The following ZNF638 variants were observed in gnomAD, a reference collection of about 807,000 sequenced individuals.
ZNF638 encodes zinc finger protein 638.
In ZNF638, 46 loss-of-function variants were observed where a neutral mutation model predicts 195.6. The observed-to-expected ratio is 0.24, with a 90% CI of 0.19 to 0.30. ZNF638 has a LOEUF of 0.30. ZNF638 is among the 10% of genes least tolerant of loss of function. ZNF638 has a pLI of 1.00. For missense variants in ZNF638, 2,440 were observed against 2,325.3 expected (o/e 1.05, Z -1.01); for synonymous variants, 845 against 772.0 (o/e 1.09, Z -1.57).
rs751541059 is a variant in ZNF638, at chr2:71,349,649, A to G, written c.695A>G (p.Glu232Gly). The G allele has an allele frequency of 1.2e-6, 2 of 1,614,228 alleles. No homozygotes were observed. The highest frequency in any genetic ancestry group is 1.7e-6 in the Non-Finnish European group (2 of 1,180,038). Residue 232 changes from glutamate to glycine, a missense_variant, in exon 2 of 28, where the codon GAA becomes GGA. By Grantham distance (98) the Glu-to-Gly change is moderately conservative (BLOSUM62 -2). This residue lies in a region of ZNF638 where 305 missense variants were observed against 283.6 expected (regional missense o/e 1.08). Coordinates refer to ENST00000264447, the MANE Select transcript of ZNF638 (RefSeq NM_014497.5). ...CTTGAAGTACGTATTTATGATCCTG[A>G]AATTCCAACTGATGAGGTCGAGAAT... ...DPLEVRIYDPEIPTDEVENEF... is the reference protein window; with the variant it reads ...DPLEVRIYDPGIPTDEVENEF...
At chr2:71,361,893 T>C (rs1042080236) in intron 3 of ZNF638, among the ~76,000 whole-genome samples, 1 of 152,172 alleles carries the variant, frequency 6.6e-6, no homozygotes, top group Non-Finnish European at 1.5e-5. Context: ...TCATTAACAA[T>C]GTCTGAGGCA....
At chr2:71,335,634 G>T (rs1210854483) in intron 1 of ZNF638, among the ~76,000 whole-genome samples, 1 of 152,118 alleles carries the variant, frequency 6.6e-6, no homozygotes, top group Non-Finnish European at 1.5e-5. Flanking sequence ...TGCCTGTCCA[G>T]TTTCAATTAT....
chr2:71,408,390 G>GT, intron 20 of ZNF638, 143 bp downstream of exon 20: 1 of 1,064,394 alleles, frequency 9.4e-7, no homozygotes, highest in Non-Finnish European at 1.3e-6. Flanking sequence ...AATTTTCATA[G>GT]TTTATAAAGC....
chr2:71,333,564 CTTAGG>C (rs1307091122), intron 1 of ZNF638, among the ~76,000 whole-genome samples: 1 of 152,094 alleles, frequency 6.6e-6, no homozygotes, highest in Non-Finnish European at 1.5e-5. Context: ...ACTTGACTAT[CTTAGG>C]GTTTTTCTTG....
intron 6 of ZNF638, 79 bp downstream of exon 6, chr2:71,365,785 G>T: frequency 9.6e-6 from 13 of 1,352,530 alleles, no homozygotes; most frequent in Non-Finnish European, 1.3e-5. Context: ...GGTGCAACAA[G>T]CATGGCTCAC....
chr2:71,431,754 C>T lies in ZNF638; in HGVS notation c.5752+326C>T, dbSNP rs553090976. On this transcript the variant is annotated intron_variant, in intron 26 of 27. Coordinates refer to ENST00000264447, the MANE Select transcript of ZNF638 (RefSeq NM_014497.5). ...CAGCCTGGGCGACAGAGTGAGACTC[C>T]GTCTCAAAAAAAAAAAAAAACAAAA... 3.7e-3 allele frequency among the ~76,000 whole-genome samples: 530 copies of T among 141,628 alleles called. 1 individual carries two copies. The highest frequency in any genetic ancestry group is 0.011 in the African/African-American group (399 of 37,994). The allele number at this position is 141,628 out of a possible 152,430, so 92.9% of individuals were successfully genotyped here.
intron 20 of ZNF638, among the ~76,000 whole-genome samples, chr2:71,412,121 A>G (rs1474642660): frequency 1.0e-5 from 1 of 97,988 alleles, no homozygotes; most frequent in East Asian, 3.7e-4. Flanking sequence ...ATTTCTCCAC[A>G]TCCTCTCCAG....
intron 2 of ZNF638, among the ~76,000 whole-genome samples, chr2:71,352,623 A>C (rs2078962304): frequency 6.6e-6 from 1 of 151,898 alleles, no homozygotes; most frequent in Admixed American, 6.6e-5. Flanking sequence ...ATTAGAAATA[A>C]GTACGAAAGG....
chr2:71,385,488 TAGTC>T (rs56075239), intron 10 of ZNF638, among the ~76,000 whole-genome samples: 63,794 of 151,688 alleles, frequency 0.42, 16,467 homozygotes, highest in Admixed American at 0.58. Flanking sequence ...AGATTAGTGA[TAGTC>T]AGGGTTGGTG....
At chr2:71,358,043 A>T (rs2079052612) in intron 3 of ZNF638, among the ~76,000 whole-genome samples, 1 of 152,128 alleles carries the variant, frequency 6.6e-6, no homozygotes, top group Admixed American at 6.5e-5. Context: ...TCTGGGGGAA[A>T]ATCTGTTCCA....
intron 1 of ZNF638, among the ~76,000 whole-genome samples, chr2:71,344,295 C>G (rs537336897): frequency 2.0e-5 from 3 of 152,268 alleles, no homozygotes; most frequent in African/African-American, 7.2e-5. Flanking sequence ...GAGATACGTT[C>G]TAAGGACCTG....
At chr2:71,417,538 T>C (rs116068578) in intron 20 of ZNF638, among the ~76,000 whole-genome samples, 1,936 of 139,774 alleles carry the variant, frequency 0.014, 38 homozygotes, top group African/African-American at 0.045. Context: ...GTCTGAAATA[T>C]CTTTTCTTTA....
Position 71,364,151 on chromosome 2 carries a change from C to G in ZNF638, c.1616C>G (p.Ser539Cys). The stretch of plus-strand genomic sequence containing the variant: ...TCTAGATACAGATCCAGATCCAGAT[C>G]CCGTTCACCATATCGAATTAGAAAT... Reference protein sequence around the residue: ...FISRYRSRSRSRSPYRIRNPF... With the variant: ...FISRYRSRSRCRSPYRIRNPF... Residue 539 changes from serine (S) to cysteine (C), a missense_variant, in exon 5 of 28, where the codon TCC becomes TGC. Transcript: ENST00000264447. 8 of 1,614,158 alleles carry G rather than the reference C, an allele frequency of 5.0e-6. No homozygotes were observed. Among genetic ancestry groups the G allele is most frequent in the Non-Finnish European group, 6.8e-6 (8 of 1,180,030 alleles).
At chr2:71,344,292 G>A (rs936180542) in intron 1 of ZNF638, among the ~76,000 whole-genome samples, 2 of 152,240 alleles carry the variant, frequency 1.3e-5, no homozygotes, top group Admixed American at 6.5e-5. Flanking sequence ...AGGGAGATAC[G>A]TTCTAAGGAC....
At chr2:71,378,324 T>A (rs1454994636) in intron 8 of ZNF638, among the ~76,000 whole-genome samples, 1 of 152,196 alleles carries the variant, frequency 6.6e-6, no homozygotes, top group Non-Finnish European at 1.5e-5. Flanking sequence ...AAATTACCAT[T>A]AGTAGAATAG....
chr2:71,395,995 C>G (rs2079885427), intron 10 of ZNF638, 146 bp from the exon 11 acceptor site: 1 of 694,976 alleles, frequency 1.4e-6, no homozygotes, highest in Non-Finnish European at 2.5e-6. Flanking sequence ...GAATTTGCCC[C>G]CATAGTAATT....
At chr2:71,398,116 C>G (rs1018311735) in intron 11 of ZNF638, among the ~76,000 whole-genome samples, 2 of 152,088 alleles carry the variant, frequency 1.3e-5, no homozygotes, top group Non-Finnish European at 2.9e-5. Flanking sequence ...ATTTAACTTG[C>G]ATGAATGCTA....
chr2:71,418,222 CTT>C (rs1019184942), intron 20 of ZNF638: 6 of 159,494 alleles, frequency 3.8e-5, no homozygotes, highest in African/African-American at 7.2e-5. Flanking sequence ...GAATAGGAAA[CTT>C]TTTTAGTCAG....
rs146178620 is a variant in ZNF638 at position 71,369,953 on chromosome 2, C to G, written c.2213C>G (p.Thr738Arg). The stretch of plus-strand genomic sequence containing the variant: ...AAGTACATTGAAACAACACCTCTTA[C>G]GATAAAAGGAAAAAGTGTGAAAATA... ...IMKYIETTPL[T>R]IKGKSVKICV... Residue 738 changes from threonine (T) to arginine (R), a missense_variant, in exon 8 of 28, where the codon ACG becomes AGG. Physicochemically the swap from Thr to Arg is moderately conservative, Grantham distance 71. Coordinates refer to ENST00000264447, the MANE Select transcript of ZNF638 (RefSeq NM_014497.5). 1.1e-5 allele frequency: 17 copies of G among 1,594,302 alleles called. No homozygotes were observed. Among genetic ancestry groups the G allele is most frequent in the African/African-American group, 9.5e-5 (7 of 73,610 alleles).
Sources: allele counts gnomAD v4.1 joint callset (sites outside exome capture counted in the v4.1 genomes callset), GRCh38; gene constraint gnomAD v4.1.1; regional missense constraint gnomAD v4.1.1; transcripts MANE v1.5; gene names NCBI Gene and HGNC (gene_info 2026-07-23, HGNC 2026-07-21).